The following ARAP2 variants were observed in gnomAD, a reference collection of about 807,000 sequenced individuals.
The protein encoded by ARAP2 is ArfGAP with RhoGAP domain, ankyrin repeat and PH domain 2, also known as arf-GAP with Rho-GAP domain, ANK repeat and PH domain-containing protein 2.
ARAP2 carries 148 observed loss-of-function variants against 194.5 expected under a neutral mutation model. The ratio of observed to expected loss-of-function variants is 0.76; its 90% CI spans 0.67 to 0.87. The LOEUF (loss-of-function observed/expected upper bound fraction) is 0.87. Ranked by LOEUF, ARAP2 falls within the 40% of genes least tolerant of loss-of-function variation. The pLI, the probability that ARAP2 is intolerant of heterozygous loss-of-function variation, is 0.00. For missense variants in ARAP2, 2,128 were observed against 1,989.7 expected (o/e 1.07, Z -1.32); for synonymous variants, 695 against 683.5 (o/e 1.02, Z -0.26).
chr4:36,168,532 G>A lies in ARAP2; in HGVS notation c.1858-1485C>T, dbSNP rs190914331. Among the ~76,000 whole-genome samples the A allele has an allele frequency of 6.6e-5, 10 of 152,078 alleles. No homozygotes were observed. The East Asian group carries it at 1.9e-3, about 29-fold the overall frequency. On this transcript the variant is annotated intron_variant, in intron 9 of 32. Coordinates refer to ENST00000303965, the MANE Select transcript of ARAP2 (RefSeq NM_015230.4). ...TGTGTTCCCGGCTTATAAAGTAAGTGGAAAAAAATAATTCTATAACAAATG... is the reference window on the plus strand; with the variant it reads ...TGTGTTCCCGGCTTATAAAGTAAGTAGAAAAAAATAATTCTATAACAAATG...
chr4:36,233,903 G>T (rs755902258), intron 1 of ARAP2, among the ~76,000 whole-genome samples: 2 of 152,172 alleles, frequency 1.3e-5, no homozygotes, highest in Non-Finnish European at 2.9e-5. Flanking sequence ...CCTCTTCTCC[G>T]TATTCCTACA....
At chr4:36,101,299 T>C (rs1253792262) in intron 27 of ARAP2, among the ~76,000 whole-genome samples, 2 of 151,950 alleles carry the variant, frequency 1.3e-5, no homozygotes, top group African/African-American at 2.4e-5. Flanking sequence ...ACAGAACAAG[T>C]AGCCTGTTGA....
chr4:36,068,626 C>G (rs1471544764), intron 32 of ARAP2, among the ~76,000 whole-genome samples: 1 of 152,140 alleles, frequency 6.6e-6, no homozygotes, highest in Non-Finnish European at 1.5e-5. Flanking sequence ...TGATGATGGG[C>G]AGTGGCAATG....
chr4:36,072,014 T>A (rs1451138976), intron 32 of ARAP2, among the ~76,000 whole-genome samples: 1 of 152,060 alleles, frequency 6.6e-6, no homozygotes, highest in East Asian at 1.9e-4. Context: ...AAACAAAGGG[T>A]CAAAAATGGT....
chr4:36,177,258 A>G (rs1196059816), intron 9 of ARAP2, among the ~76,000 whole-genome samples: 2 of 152,128 alleles, frequency 1.3e-5, no homozygotes, highest in Non-Finnish European at 2.9e-5. Context: ...AATCGATTTT[A>G]TTTATGTAGA....
At position 36,147,365 on chromosome 4, in the gene ARAP2, G is replaced by A. The variant is rs754619631; in HGVS notation, c.3200-6C>T. On this transcript the variant is annotated splice_polypyrimidine_tract_variant and splice_region_variant and intron_variant, in intron 18 of 32. Transcript: ENST00000303965. Reference sequence around the variant, plus strand: ...TTGAACCATTGTGCTGATTGCTGAAGGGAGAATGAAAAGCAAAAATTTATT... The same window carrying A: ...TTGAACCATTGTGCTGATTGCTGAAAGGAGAATGAAAAGCAAAAATTTATT... The A allele has an allele frequency of 6.2e-7, 1 of 1,612,506 alleles. No homozygotes were observed. The highest frequency in any genetic ancestry group is 8.5e-7 in the Non-Finnish European group (1 of 1,179,104).
At chr4:36,171,849 C>T (rs373270777) in intron 9 of ARAP2, among the ~76,000 whole-genome samples, 1 of 151,812 alleles carries the variant, frequency 6.6e-6, no homozygotes, top group African/African-American at 2.4e-5. Flanking sequence ...AACTAGCAGG[C>T]ATAATTTTTA....
chr4:36,236,089 G>A (rs1491004345), intron 1 of ARAP2, among the ~76,000 whole-genome samples: 1 of 151,654 alleles, frequency 6.6e-6, no homozygotes, highest in Non-Finnish European at 1.5e-5. Flanking sequence ...TGAGGTGGGA[G>A]GATGGGTTGA....
intron 27 of ARAP2, among the ~76,000 whole-genome samples, chr4:36,103,978 A>G (rs1400265581): frequency 6.6e-6 from 1 of 151,954 alleles, no homozygotes; most frequent in Non-Finnish European, 1.5e-5. Context: ...TTTGTTCTAC[A>G]TATCAGGAAA....
intron 3 of ARAP2, among the ~76,000 whole-genome samples, chr4:36,048,753 C>G (rs191452439): frequency 1.1e-3 from 166 of 152,092 alleles, no homozygotes; most frequent in African/African-American, 3.9e-3. Flanking sequence ...TTGAATGGTA[C>G]TTTTAAGTTT....
In ARAP2 at chr4:36,177,875, A is replaced by T; in HGVS notation, c.1809T>A (p.Ile603=). 1 of 1,613,242 alleles carries T rather than the reference A, an allele frequency of 6.2e-7. No homozygotes were observed. Among genetic ancestry groups the T allele is most frequent in the Non-Finnish European group, 8.5e-7 (1 of 1,179,578 alleles). ...CACTGTTTCCACTTAACACAGTAAA[A>T]ATTTTTGCCTTATAGCCTCTCAATT... ...YLELRGYKAK[I]FTVLSGNSVW... is the part of the protein sequence containing the mutation. The change falls in exon 9 of 33, where the codon ATT becomes ATA. Residue 603 remains isoleucine, a synonymous_variant. Coordinates refer to ENST00000303965, the MANE Select transcript of ARAP2 (RefSeq NM_015230.4).
chr4:36,228,716 C>G lies in ARAP2; in HGVS notation c.771G>C (p.Leu257Phe). Residue 257 changes from leucine to phenylalanine, a missense_variant, in exon 2 of 33, where the codon TTG becomes TTC. Leu to Phe is a conservative substitution (Grantham distance 22, BLOSUM62 0). Transcript: ENST00000303965. ...KFQGEMIVND[L>F]YVPSSPILAP... is the part of the protein sequence containing the mutation. ...CTAGGATTGGTGATGATGGAACATA[C>G]AAGTCATTTACAATCATTTCTCCTT... 2 of 1,614,056 alleles carry G rather than the reference C, an allele frequency of 1.2e-6. No homozygotes were observed. Among genetic ancestry groups the G allele is most frequent in the Non-Finnish European group, 1.7e-6 (2 of 1,179,974 alleles).
chr4:36,121,140 T>C, intron 23 of ARAP2, 39 bp downstream of exon 23: 1 of 1,490,304 alleles, frequency 6.7e-7, no homozygotes, highest in South Asian at 1.3e-5. Context: ...ACAGTGACAT[T>C]ATAACCATTT....
At chr4:36,227,806 C>T (rs1215514162) in intron 2 of ARAP2, among the ~76,000 whole-genome samples, 1 of 152,162 alleles carries the variant, frequency 6.6e-6, no homozygotes, top group African/African-American at 2.4e-5. Context: ...CTGGAGAAAA[C>T]CACAACTATT....
chr4:36,108,005 A>T (rs1178457010), intron 26 of ARAP2, among the ~76,000 whole-genome samples: 1 of 151,952 alleles, frequency 6.6e-6, no homozygotes, highest in African/African-American at 2.4e-5. Context: ...TTTGTATAAT[A>T]AATTCTACCC....
chr4:36,110,167 T>G (rs1022107353), intron 26 of ARAP2, among the ~76,000 whole-genome samples: 1 of 151,888 alleles, frequency 6.6e-6, no homozygotes, highest in Admixed American at 6.6e-5. Flanking sequence ...TTAACTATTA[T>G]AGTTAATTTT....
rs1159402302 is a variant in ARAP2, at chr4:36,121,199, T to C, written c.3874A>G (p.Asn1292Asp). The change falls in exon 23 of 33, where the codon AAT becomes GAT. Residue 1292 changes from asparagine (N) to aspartate (D), a missense_variant. Coordinates refer to ENST00000303965, the MANE Select transcript of ARAP2 (RefSeq NM_015230.4). ...EVNVIEDLIN[N>D]YVEIFEVKED... is the part of the protein sequence containing the mutation. ...ATTACCTCAAATATTTCTACATAAT[T>C]ATTAATTAGGTCCTCAATTACATTC... 1.3e-6 allele frequency: 2 copies of C among 1,596,876 alleles called. 1 individual carries two copies. The highest frequency in any genetic ancestry group is 3.4e-5 in the Admixed American group (2 of 58,098).
At chr4:36,194,940 T>C (rs1190076689) in intron 6 of ARAP2, among the ~76,000 whole-genome samples, 1 of 152,066 alleles carries the variant, frequency 6.6e-6, no homozygotes, top group African/African-American at 2.4e-5. Flanking sequence ...TCCCATCACT[T>C]TGAGAAGCTG....
intron 5 of ARAP2, among the ~76,000 whole-genome samples, chr4:36,033,945 A>G (rs1445583707): frequency 6.6e-6 from 1 of 152,064 alleles, no homozygotes; most frequent in East Asian, 1.9e-4. Context: ...TTCATTGAAA[A>G]TCAGATGGTT....
Sources: allele counts gnomAD v4.1 joint callset (sites outside exome capture counted in the v4.1 genomes callset), GRCh38; gene constraint gnomAD v4.1.1; transcripts MANE v1.5; gene names NCBI Gene and HGNC (gene_info 2026-07-23, HGNC 2026-07-21).